Variants in ARPC5 observed in about 807,000 individuals in gnomAD.
The protein encoded by ARPC5 is actin-related protein 2/3 complex subunit 5.
A neutral mutation model predicts 15.4 loss-of-function variants in ARPC5; 5 were observed. The observed-to-expected ratio is 0.32, with a 90% CI of 0.17 to 0.68. ARPC5 has a LOEUF of 0.68. Among genes scored for constraint, ARPC5 ranks in the 30% least tolerant of loss-of-function variants. ARPC5 has a pLI of 0.71. For synonymous variants in ARPC5, 85 were observed against 72.2 expected (o/e 1.18, Z -0.90); for missense variants, 138 against 192.8 (o/e 0.72, Z 1.68).
At chr1:183,632,072 GA>G (rs2101957172) in intron 2 of ARPC5, 1 of 152,162 alleles carries the variant, frequency 6.6e-6, no homozygotes, top group East Asian at 1.9e-4. Flanking sequence ...AAAAACCAAA[GA>G]AATTTTCCCC....
intron 1 of ARPC5, chr1:183,633,918 G>T (rs1490513796): frequency 6.6e-6 from 1 of 152,178 alleles, no homozygotes; most frequent in Non-Finnish European, 1.5e-5. Flanking sequence ...GAGTTCACTT[G>T]TTCCTCCAAC....
Position 183,630,515 on chromosome 1 carries a change from T to A in ARPC5, c.339A>T (p.Gly113=), listed in dbSNP as rs749768088. Reference sequence around the variant, plus strand: ...TGCTATTGTCAGACGGGCTCTCAAATCCTTTATAAATATACTTCATTAGGA... The same window carrying A: ...TGCTATTGTCAGACGGGCTCTCAAAACCTTTATAAATATACTTCATTAGGA... ...VDLLMKYIYK[G]FESPSDNSSA... is the part of the protein sequence containing the mutation. The change falls in exon 3 of 4, where the codon GGA becomes GGT. Residue 113 remains glycine, a synonymous_variant. Transcript: ENST00000359856. 1 of 1,612,274 alleles carries A rather than the reference T, an allele frequency of 6.2e-7. No individual in the cohort carries two copies. Among genetic ancestry groups the A allele is most frequent in the South Asian group, 1.1e-5 (1 of 90,972 alleles).
intron 3 of ARPC5, chr1:183,630,219 T>C: frequency 2.9e-6 from 1 of 345,178 alleles, no homozygotes; most frequent in South Asian, 8.7e-5. Flanking sequence ...TTTGATTTAA[T>C]TCAGAGTTCA....
chr1:183,631,351 G>C (rs1019226045), intron 2 of ARPC5: 1 of 151,732 alleles, frequency 6.6e-6, no homozygotes, highest in Non-Finnish European at 1.5e-5. Context: ...AGGCCGAGAT[G>C]GGCAGATCAC....
intron 3 of ARPC5, 46 bp from the exon 4 acceptor site, chr1:183,627,640 C>A: frequency 6.8e-7 from 1 of 1,463,010 alleles, no homozygotes; most frequent in South Asian, 1.1e-5. Flanking sequence ...AATAAAAGGT[C>A]AATTCTCATA....
At chr1:183,633,836 A>G (rs2101958451) in intron 1 of ARPC5, 1 of 152,378 alleles carries the variant, frequency 6.6e-6, no homozygotes, top group East Asian at 1.9e-4. Flanking sequence ...CTAGTGAGTT[A>G]GCAAGCATGA....
Position 183,622,663 on chromosome 1 carries a change from T to C in ARPC5, c.*4869A>G, listed in dbSNP as rs189784817. The C allele has an allele frequency of 2.4e-4, 37 of 152,378 alleles. No individual in the cohort carries two copies. The highest frequency in any genetic ancestry group is 8.2e-4 in the African/African-American group (34 of 41,584). 9.4% of individuals were successfully genotyped at this position (152,378 alleles called of 1,614,324 possible). A position where few individuals can be genotyped will look rare whatever the true frequency, so the allele number is the denominator to read the frequency against. Reference sequence around the variant, plus strand: ...ATCATATAAACTCCCATAGTGCCACTGTTAGCCAGATATGAGCTGGAATTC... The same window carrying C: ...ATCATATAAACTCCCATAGTGCCACCGTTAGCCAGATATGAGCTGGAATTC... On this transcript the variant is annotated 3_prime_UTR_variant, in exon 4 of 4. Transcript: ENST00000359856.
rs1193386835 is a variant in ARPC5, at chr1:183,622,515, G to C, written c.*5017C>G. 1 of 152,140 alleles carries C rather than the reference G, an allele frequency of 6.6e-6. No individual in the cohort carries two copies. Among genetic ancestry groups the C allele is most frequent in the Middle Eastern group, 3.2e-3 (1 of 316 alleles). The allele number at this position is 152,140 out of a possible 1,614,324, so 9.4% of individuals were successfully genotyped here. ...GGTTGACAGAATTAGAAAAATCTAC[G>C]TATAAAGTCAAGGACGGTGATATAA... On this transcript the variant is annotated 3_prime_UTR_variant, in exon 4 of 4. Transcript: ENST00000359856.
rs4651154 is a variant in ARPC5, at chr1:183,621,896, A to G, written c.*5636T>C. On this transcript the variant is annotated 3_prime_UTR_variant, in exon 4 of 4. Coordinates refer to ENST00000359856, the MANE Select transcript of ARPC5 (RefSeq NM_005717.4). Reference sequence around the variant, plus strand: ...GACCGGTATCTTGTGTTGACCTCCTATCTCATCCTGTGACTTAGAATGCCT... The same window carrying G: ...GACCGGTATCTTGTGTTGACCTCCTGTCTCATCCTGTGACTTAGAATGCCT... 0.28 allele frequency: 42,571 copies of G among 152,092 alleles called. 6,711 individuals are homozygous for G. Among genetic ancestry groups the G allele is most frequent in the Middle Eastern group, 0.38 (111 of 294 alleles). 9.4% of individuals were successfully genotyped at this position (152,092 alleles called of 1,614,324 possible).
chr1:183,635,752 C>T lies in ARPC5; in HGVS notation c.-93G>A. The stretch of plus-strand genomic sequence containing the variant: ...AACCCACTACCCGGCGCCTGATTCA[C>T]TTCCCTCTTCCGCTCTGAGGCGTCG... On this transcript the variant is annotated 5_prime_UTR_variant, in exon 1 of 4. The change creates a new upstream start codon in the 5' untranslated region. Transcript: ENST00000359856. 6.6e-7 allele frequency: 1 copy of T among 1,509,392 alleles called. No individual in the cohort carries two copies. The allele number at this position is 1,509,392 out of a possible 1,614,324, so 93.5% of individuals were successfully genotyped here.
intron 3 of ARPC5, among the ~76,000 whole-genome samples, chr1:183,628,630 T>C (rs1313130523): frequency 1.3e-5 from 2 of 152,226 alleles, no homozygotes; most frequent in African/African-American, 4.8e-5. Context: ...GCAGGTGCTA[T>C]TAAAGCACCA....
chr1:183,635,244 C>G (rs1427796292), intron 1 of ARPC5, among the ~76,000 whole-genome samples: 1 of 152,222 alleles, frequency 6.6e-6, no homozygotes, highest in Non-Finnish European at 1.5e-5. Context: ...GGCAGGCACT[C>G]GGGTGCAACC....
chr1:183,630,677 G>A, intron 2 of ARPC5, 40 bp from the exon 3 acceptor site: 6 of 1,563,666 alleles, frequency 3.8e-6, no homozygotes, highest in Non-Finnish European at 5.2e-6. Flanking sequence ...AGACATATCT[G>A]TATGAGGAGG....
At chr1:183,628,541 A>G (rs1044479432) in intron 3 of ARPC5, among the ~76,000 whole-genome samples, 1 of 152,234 alleles carries the variant, frequency 6.6e-6, no homozygotes, top group African/African-American at 2.4e-5. Context: ...GAACAAATAC[A>G]GCATTTTCTG....
chr1:183,634,007 T>G (rs560050176), intron 1 of ARPC5: 1 of 152,328 alleles, frequency 6.6e-6, no homozygotes, highest in Non-Finnish European at 1.5e-5. Context: ...TATTTTAAGA[T>G]GAACTGATCA....
Position 183,623,567 on chromosome 1 carries a change from A to C in ARPC5, c.*3965T>G. ...AGTGGGGCAGAGGTCCCGCGGCAGG[A>C]ATATGGACAGAAGCAGCCTTGTTTA... On this transcript the variant is annotated 3_prime_UTR_variant, in exon 4 of 4. Coordinates refer to ENST00000359856, the MANE Select transcript of ARPC5 (RefSeq NM_005717.4). 1.3e-6 allele frequency: 2 copies of C among 1,525,588 alleles called. No homozygotes were observed. Among genetic ancestry groups the C allele is most frequent in the Non-Finnish European group, 1.8e-6 (2 of 1,125,614 alleles). The allele number at this position is 1,525,588 out of a possible 1,614,324, so 94.5% of individuals were successfully genotyped here. A position where few individuals can be genotyped will look rare whatever the true frequency, so the allele number is the denominator to read the frequency against.
Position 183,633,126 on chromosome 1 carries a change from C to A in ARPC5, c.172G>T (p.Ala58Ser). The change falls in exon 2 of 4, where the codon GCT becomes TCT. Residue 58 changes from alanine to serine, a missense_variant. This residue lies in a region of ARPC5 where 121 missense variants were observed against 153.7 expected (regional missense o/e 0.79). Transcript: ENST00000359856. ...GTGTTGATAGGGGGGTTCTTCAGAGCTGCCTGTAGGGCAGCTGTCATGTTT... is the reference window on the plus strand; with the variant it reads ...GTGTTGATAGGGGGGTTCTTCAGAGATGCCTGTAGGGCAGCTGTCATGTTT... ...QGNMTAALQA[A>S]LKNPPINTKS... The A allele has an allele frequency of 6.2e-7, 1 of 1,604,684 alleles. No homozygotes were observed. The highest frequency in any genetic ancestry group is 1.1e-5 in the South Asian group (1 of 89,448).
At chr1:183,635,438 A>T in intron 1 of ARPC5, 79 bp downstream of exon 1, 3 of 1,468,674 alleles carry the variant, frequency 2.0e-6, no homozygotes, top group Non-Finnish European at 2.7e-6. Flanking sequence ...TGCCCCGCGG[A>T]TCCTGCAGGC....
In ARPC5 at chr1:183,625,851, A is replaced by C. The variant is rs780690093; in HGVS notation, c.*1681T>G. ...AAACAGAAGTCGCTGTGAGTAGGTA[A>C]GTACAAGAAATAGATTTGAGGTGAA... On this transcript the variant is annotated 3_prime_UTR_variant, in exon 4 of 4. Transcript: ENST00000359856. 6.6e-6 allele frequency: 1 copy of C among 152,240 alleles called. No individual in the cohort carries two copies. Among genetic ancestry groups the C allele is most frequent in the African/African-American group, 2.4e-5 (1 of 41,458 alleles). The allele number at this position is 152,240 out of a possible 1,614,324, so 9.4% of individuals were successfully genotyped here.
Sources: gnomAD v4.1 joint callset for allele counts (sites outside exome capture counted in the v4.1 genomes callset) on GRCh38, gnomAD v4.1.1 for gene constraint, gnomAD v4.1.1 regional missense constraint, MANE v1.5 for transcripts, NCBI Gene and HGNC (gene_info 2026-07-23, HGNC 2026-07-21) for gene names.